DMC1: variants seen among roughly 807,000 people sequenced by gnomAD.
DMC1 encodes the protein meiotic recombination protein DMC1 homolog.
In DMC1, 27 loss-of-function variants were observed where a neutral mutation model predicts 50.1. The observed-to-expected ratio is 0.54, with a 90% CI of 0.40 to 0.74. The LOEUF (loss-of-function observed/expected upper bound fraction) is 0.74, where lower values mean the gene tolerates loss of function less well. Among genes scored for constraint, DMC1 ranks in the 30% least tolerant of loss-of-function variants. The pLI is 0.00. For missense variants in DMC1, 295 were observed against 420.2 expected (o/e 0.70, Z 2.60); for synonymous variants, 148 against 136.1 (o/e 1.09, Z -0.61).
intron 8 of DMC1, among the ~76,000 whole-genome samples, chr22:38,541,655 T>C (rs1285821492): frequency 6.6e-6 from 1 of 152,184 alleles, no homozygotes; most frequent in Non-Finnish European, 1.5e-5. Flanking sequence ...GGTCTGGTGT[T>C]ATTTTCCAGG....
At chr22:38,513,890 A>G in the DMC1 span, among the ~76,000 whole-genome samples, 1 of 152,192 alleles carries the variant, frequency 6.6e-6, no homozygotes, top group Non-Finnish European at 1.5e-5. Flanking sequence ...TATGAGGAAA[A>G]AGGCATGTTC....
chr22:38,521,596 A>T lies in DMC1; in HGVS notation c.953+12T>A. ...ACACACACACACACACACAAAATAA[A>T]AAAAAATTTACCTGTCATAAATCTT... On this transcript the variant is annotated intron_variant, in intron 13 of 13. Transcript: ENST00000216024. The T allele has an allele frequency of 6.4e-7, 1 of 1,558,960 alleles. No individual in the cohort carries two copies. Among genetic ancestry groups the T allele is most frequent in the Non-Finnish European group, 8.8e-7 (1 of 1,133,074 alleles).
intron 5 of DMC1, among the ~76,000 whole-genome samples, chr22:38,561,543 C>T (rs1445394357): frequency 6.6e-6 from 1 of 152,086 alleles, no homozygotes; most frequent in African/African-American, 2.4e-5. Context: ...AGAGATAGAT[C>T]TAAGATGAGG....
At chr22:38,557,905 T>TAGGTAATTG (rs1228996134) in intron 5 of DMC1, among the ~76,000 whole-genome samples, 4 of 151,428 alleles carry the variant, frequency 2.6e-5, no homozygotes, top group African/African-American at 7.3e-5. Context: ...AAAAGATATT[T>TAGGTAATTG]AGGTAATTGG....
chr22:38,510,049 C>T, the DMC1 span, among the ~76,000 whole-genome samples: 31 of 152,056 alleles, frequency 2.0e-4, no homozygotes, highest in African/African-American at 7.2e-4. Flanking sequence ...CCCGTCTCTC[C>T]TAAAAATACA....
At chr22:38,528,447 G>A (rs1319283681) in intron 12 of DMC1, among the ~76,000 whole-genome samples, 2 of 151,756 alleles carry the variant, frequency 1.3e-5, no homozygotes, top group Non-Finnish European at 2.9e-5. Flanking sequence ...CTATCCTTAC[G>A]GCAATCTTGG....
At chr22:38,526,135 G>A (rs1425529726) in intron 12 of DMC1, among the ~76,000 whole-genome samples, 4 of 151,916 alleles carry the variant, frequency 2.6e-5, no homozygotes, top group South Asian at 2.1e-4. Flanking sequence ...ATAATCCATA[G>A]GTTTAAAAGA....
chr22:38,542,651 T>C (rs1040624773), intron 8 of DMC1, among the ~76,000 whole-genome samples: 1 of 152,142 alleles, frequency 6.6e-6, no homozygotes, highest in Non-Finnish European at 1.5e-5. Context: ...ACAGAATCAA[T>C]GCAATTCCTA....
At chr22:38,512,779 A>C in the DMC1 span, among the ~76,000 whole-genome samples, 7 of 152,172 alleles carry the variant, frequency 4.6e-5, no homozygotes, top group Non-Finnish European at 1.0e-4. Context: ...AGGCAAAGGG[A>C]AACTTATTAG....
rs1340502998 is a variant in DMC1, at chr22:38,521,622, G to C, written c.939C>G (p.Ala313=). 1 of 1,606,636 alleles carries C rather than the reference G, an allele frequency of 6.2e-7. No homozygotes were observed. The highest frequency in any genetic ancestry group is 1.1e-5 in the South Asian group (1 of 90,918). ...LRKGRGELRI[A]KIYDSPEMPE... ...AAAAAATTTACCTGTCATAAATCTT[G>C]GCAATTCTGAGCTCTCCTCTTCCCT... is the stretch of plus-strand genomic sequence containing the variant. Residue 313 remains alanine, a synonymous_variant, in exon 13 of 14, where the codon GCC becomes GCG. Coordinates refer to ENST00000216024, the MANE Select transcript of DMC1 (RefSeq NM_007068.4).
At chr22:38,539,285 C>T (rs754580329) in intron 9 of DMC1, 36 bp downstream of exon 9, 2 of 1,486,124 alleles carry the variant, frequency 1.3e-6, no homozygotes, top group South Asian at 1.1e-5. Context: ...GCCAACCTTA[C>T]ATTGACCCAA....
At chr22:38,568,457 GTGTGTGTGTGTGTGTGCA>G (rs988951026) in intron 1 of DMC1, 168 bp from the exon 2 acceptor site, 5 of 601,328 alleles carry the variant, frequency 8.3e-6, no homozygotes, top group African/African-American at 3.7e-5. Flanking sequence ...TTTCTTGTGT[GTGTGTGTGTGTGTGTGCA>G]TGTGTGTGTG....
the DMC1 span, among the ~76,000 whole-genome samples, chr22:38,510,382 G>C: frequency 6.6e-6 from 1 of 152,164 alleles, no homozygotes; most frequent in African/African-American, 2.4e-5. Context: ...TTGAACCCAG[G>C]AGGCGGAGGT....
intron 12 of DMC1, among the ~76,000 whole-genome samples, chr22:38,525,186 G>T (rs1214092999): frequency 6.6e-6 from 1 of 152,178 alleles, no homozygotes; most frequent in African/African-American, 2.4e-5. Flanking sequence ...GCCTGGAAAA[G>T]TGCCTATAAT....
At chr22:38,525,895 G>A (rs1479947461) in intron 12 of DMC1, among the ~76,000 whole-genome samples, 4 of 151,966 alleles carry the variant, frequency 2.6e-5, no homozygotes, top group Admixed American at 6.6e-5. Context: ...AGTGTTCATT[G>A]TGCCACTACA....
chr22:38,510,507 C>CT, the DMC1 span, among the ~76,000 whole-genome samples: 1 of 152,086 alleles, frequency 6.6e-6, no homozygotes, highest in Admixed American at 6.6e-5. Flanking sequence ...TGACAAGAGA[C>CT]AATGTGGAGA....
intron 12 of DMC1, among the ~76,000 whole-genome samples, chr22:38,524,375 G>A (rs891908989): frequency 3.3e-5 from 5 of 151,924 alleles, no homozygotes; most frequent in East Asian, 3.9e-4. Context: ...TCGCGCCACC[G>A]GTGGCCCTCC....
chr22:38,523,642 A>G (rs553159598), intron 12 of DMC1, among the ~76,000 whole-genome samples: 2 of 152,164 alleles, frequency 1.3e-5, no homozygotes, highest in South Asian at 4.1e-4. Context: ...GGTGTTCAAA[A>G]TTGTTTTTTC....
Position 38,566,103 on chromosome 22 carries a change from C to T in DMC1, c.243+487G>A, listed in dbSNP as rs919192041. 3.3e-5 allele frequency among the ~76,000 whole-genome samples: 5 copies of T among 152,192 alleles called. 1 individual carries two copies. Among genetic ancestry groups the T allele is most frequent in the Admixed American group, 3.3e-4 (5 of 15,286 alleles). ...CATCTTGGCCAACATGGTGAAACCTCGTCTCTACTAAAAATACAAAATTAG... is the reference window on the plus strand; with the variant it reads ...CATCTTGGCCAACATGGTGAAACCTTGTCTCTACTAAAAATACAAAATTAG... On this transcript the variant is annotated intron_variant, in intron 4 of 13. Coordinates refer to ENST00000216024, the MANE Select transcript of DMC1 (RefSeq NM_007068.4).
Sources: gnomAD v4.1 joint callset for allele counts (sites outside exome capture counted in the v4.1 genomes callset) on GRCh38, gnomAD v4.1.1 for gene constraint, MANE v1.5 for transcripts, NCBI Gene and HGNC (gene_info 2026-07-23, HGNC 2026-07-21) for gene names.